Variants in FHIT observed in about 807,000 individuals in gnomAD.
FHIT encodes bis(5'-adenosyl)-triphosphatase.
Under a neutral mutation model 17.9 loss-of-function variants are expected in FHIT, and 19 were observed. The ratio of observed to expected loss-of-function variants is 1.06; its 90% CI spans 0.74 to 1.56. FHIT has a LOEUF of 1.56. Ranked by LOEUF, FHIT falls within the 40% of genes most tolerant of loss-of-function variation. The probability of loss-of-function intolerance (pLI) is 0.00; values close to 1 mark genes in which losing one functional copy is unlikely to be tolerated. For missense variants in FHIT, 248 were observed against 189.2 expected, an observed-to-expected ratio of 1.31 and a Z score of -1.82; for synonymous variants, 81 against 69.7, an observed-to-expected ratio of 1.16 and a Z score of -0.81.
chr3:60,407,668 C>T (rs1701918347), intron 5 of FHIT, among the ~76,000 whole-genome samples: 2 of 152,046 alleles, frequency 1.3e-5, no homozygotes, highest in South Asian at 2.1e-4. Context: ...GTGTGTGCCA[C>T]CAGGCCTGGC....
intron 2 of FHIT, among the ~76,000 whole-genome samples, chr3:61,132,303 TGTTTCA>T (rs1437552524): frequency 6.6e-6 from 1 of 152,258 alleles, no homozygotes; most frequent in Admixed American, 6.5e-5. Flanking sequence ...CTGGCTGTTC[TGTTTCA>T]GTTCCCCAGT....
intron 3 of FHIT, among the ~76,000 whole-genome samples, chr3:60,935,176 C>T (rs1454890686): frequency 3.9e-5 from 6 of 152,094 alleles, no homozygotes; most frequent in Non-Finnish European, 8.8e-5. Flanking sequence ...GTGAAAGAAC[C>T]ATTACAGTTA....
chr3:60,648,369 T>C (rs2039911935), intron 4 of FHIT, among the ~76,000 whole-genome samples: 1 of 152,124 alleles, frequency 6.6e-6, no homozygotes, highest in Non-Finnish European at 1.5e-5. Context: ...TCTAACAGGG[T>C]TAACAACTCA....
intron 3 of FHIT, among the ~76,000 whole-genome samples, chr3:61,004,560 G>C (rs888738155): frequency 8.5e-5 from 13 of 152,358 alleles, no homozygotes; most frequent in East Asian, 1.9e-4. Context: ...AACTTGGAAA[G>C]AGAAAGTCTG....
At chr3:60,868,313 C>T (rs910611230) in intron 3 of FHIT, among the ~76,000 whole-genome samples, 12 of 152,090 alleles carry the variant, frequency 7.9e-5, no homozygotes, top group African/African-American at 2.2e-4. Flanking sequence ...AGTTGAATGG[C>T]CAAAAATAAA....
chr3:59,999,409 T>C (rs751083642), intron 7 of FHIT, among the ~76,000 whole-genome samples: 22 of 152,154 alleles, frequency 1.4e-4, no homozygotes, highest in African/African-American at 3.4e-4. Flanking sequence ...TCTAGGGCCA[T>C]TGATTCACAG....
At chr3:61,209,690 G>A (rs1048321064) in intron 1 of FHIT, among the ~76,000 whole-genome samples, 3 of 152,058 alleles carry the variant, frequency 2.0e-5, no homozygotes, top group Non-Finnish European at 2.9e-5. Flanking sequence ...TCTGTGCATT[G>A]GTTATTCTAG....
chr3:60,060,314 G>A (rs1429581172), intron 5 of FHIT, among the ~76,000 whole-genome samples: 3 of 152,070 alleles, frequency 2.0e-5, no homozygotes, highest in Non-Finnish European at 4.4e-5. Flanking sequence ...AAATTATAAT[G>A]AATTTAGACC....
intron 5 of FHIT, among the ~76,000 whole-genome samples, chr3:60,521,669 T>C (rs988279381): frequency 6.6e-6 from 1 of 152,246 alleles, no homozygotes; most frequent in Non-Finnish European, 1.5e-5. Context: ...CCTGTTTTCA[T>C]AGCAGAAAAT....
chr3:60,618,065 AT>A (rs1422965994), intron 4 of FHIT: 1 of 162,060 alleles, frequency 6.2e-6, no homozygotes, highest in African/African-American at 2.4e-5. Context: ...TACAAAGTAA[AT>A]TTAAAAAGTT....
intron 5 of FHIT, among the ~76,000 whole-genome samples, chr3:60,142,093 T>C (rs898114328): frequency 6.6e-6 from 1 of 152,198 alleles, no homozygotes. Flanking sequence ...CATCCATTCC[T>C]GTTATCCTTT....
intron 7 of FHIT, among the ~76,000 whole-genome samples, chr3:59,951,392 T>G (rs62240080): frequency 0.088 from 13,385 of 152,270 alleles, 828 homozygotes; most frequent in South Asian, 0.15. Flanking sequence ...ACAACTTTCA[T>G]GGCCACGGCC....
At chr3:60,403,872 G>T (rs930017341) in intron 5 of FHIT, among the ~76,000 whole-genome samples, 1 of 152,096 alleles carries the variant, frequency 6.6e-6, no homozygotes, top group Admixed American at 6.5e-5. Context: ...AAATAAATTT[G>T]TATGCCTTTT....
At chr3:60,515,125 C>G (rs1204515329) in intron 5 of FHIT, among the ~76,000 whole-genome samples, 1 of 152,062 alleles carries the variant, frequency 6.6e-6, no homozygotes, top group Non-Finnish European at 1.5e-5. Context: ...AAGCCTCTGA[C>G]CTGGAGCCGA....
chr3:60,278,380 T>G (rs958267442), intron 5 of FHIT, among the ~76,000 whole-genome samples: 2 of 152,220 alleles, frequency 1.3e-5, no homozygotes, highest in Admixed American at 6.5e-5. Context: ...CCCTCCAGAC[T>G]CTTTTAGCCT....
At chr3:60,219,415 A>T (rs1446412651) in intron 5 of FHIT, among the ~76,000 whole-genome samples, 1 of 152,158 alleles carries the variant, frequency 6.6e-6, no homozygotes, top group African/African-American at 2.4e-5. Flanking sequence ...AGAAAATTCT[A>T]CCCAAAGTCA....
At chr3:60,058,281 A>C (rs1267897407) in intron 5 of FHIT, among the ~76,000 whole-genome samples, 1 of 151,494 alleles carries the variant, frequency 6.6e-6, no homozygotes, top group South Asian at 2.1e-4. Context: ...AGTAGCTGGG[A>C]TTACATGCCC....
chr3:60,194,759 T>TA (rs1160971870), intron 5 of FHIT, among the ~76,000 whole-genome samples: 2 of 151,716 alleles, frequency 1.3e-5, no homozygotes, highest in African/African-American at 2.4e-5. Flanking sequence ...ATAATCCCAT[T>TA]AAAAAATGGG....
chr3:60,720,811 C>G (rs2041793438), intron 4 of FHIT, among the ~76,000 whole-genome samples: 1 of 152,140 alleles, frequency 6.6e-6, no homozygotes, highest in Non-Finnish European at 1.5e-5. Flanking sequence ...TGGCATGAGT[C>G]TGTGGCCCAC....
Sources: allele counts gnomAD v4.1 joint callset (sites outside exome capture counted in the v4.1 genomes callset), GRCh38; gene constraint gnomAD v4.1.1; transcripts MANE v1.5; gene names NCBI Gene and HGNC (gene_info 2026-07-23, HGNC 2026-07-21).